The following CREBRF variants were observed in gnomAD, a reference collection of about 807,000 sequenced individuals.
CREBRF encodes CREB3 regulatory factor.
A neutral mutation model predicts 66.1 loss-of-function variants in CREBRF; 5 were observed. The ratio of observed to expected loss-of-function variants is 0.08; its 90% CI spans 0.04 to 0.16. CREBRF has a LOEUF of 0.16. Among genes scored for constraint, CREBRF ranks in the 10% least tolerant of loss-of-function variants. The probability of loss-of-function intolerance (pLI) is 1.00; values close to 1 mark genes in which losing one functional copy is unlikely to be tolerated. For missense variants in CREBRF, 531 were observed against 744.9 expected (o/e 0.71, Z 3.34); for synonymous variants, 229 against 264.4 (o/e 0.87, Z 1.30).
intron 1 of CREBRF, among the ~76,000 whole-genome samples, chr5:173,061,858 T>A (rs937325705): frequency 6.6e-6 from 1 of 152,222 alleles, no homozygotes; most frequent in African/African-American, 2.4e-5. Context: ...TGGGAAATAC[T>A]AAATTTTTTT....
At chr5:173,073,834 G>A (rs1757666249) in intron 1 of CREBRF, among the ~76,000 whole-genome samples, 2 of 152,288 alleles carry the variant, frequency 1.3e-5, no homozygotes, top group South Asian at 4.1e-4. Flanking sequence ...GGGCGTGGTG[G>A]TGGGCGCCTG....
At position 173,085,378 on chromosome 5, in the gene CREBRF, T is replaced by C. The variant is rs541360183; in HGVS notation, c.10-1123T>C. The C allele has an allele frequency of 2.1e-5, 27 of 1,258,004 alleles. No individual in the cohort carries two copies. The South Asian group carries it at 2.9e-4, about 14-fold the overall frequency. The allele number at this position is 1,258,004 out of a possible 1,614,324, so 77.9% of individuals were successfully genotyped here. A position where few individuals can be genotyped will look rare whatever the true frequency, so the allele number is the denominator to read the frequency against. On this transcript the variant is annotated intron_variant, in intron 2 of 8. Transcript: ENST00000296953. ...GCGGCTCTTCTTCGATCCTGGAGGC[T>C]CCAGGGCAGCCAATATTGTATCGTC...
intron 3 of CREBRF, among the ~76,000 whole-genome samples, chr5:173,088,489 C>CAAA (rs553969460): frequency 9.6e-5 from 8 of 83,562 alleles, no homozygotes; most frequent in African/African-American, 2.2e-4. Flanking sequence ...GACCCCGTCT[C>CAAA]AAAAAAAAAA....
chr5:173,072,189 T>A (rs544342731), intron 1 of CREBRF, among the ~76,000 whole-genome samples: 1 of 152,168 alleles, frequency 6.6e-6, no homozygotes, highest in South Asian at 2.1e-4. Flanking sequence ...CTCACTACAG[T>A]CTTGAACTCC....
At chr5:173,059,280 T>TTTTTTTA (rs1757190389) in intron 1 of CREBRF, among the ~76,000 whole-genome samples, 1 of 130,632 alleles carries the variant, frequency 7.7e-6, no homozygotes. Context: ...TTTTTTTTTT[T>TTTTTTTA]TGAGACGGAG....
At chr5:173,068,086 C>T in intron 1 of CREBRF, 1 of 446,300 alleles carries the variant, frequency 2.2e-6, no homozygotes, top group Non-Finnish European at 4.5e-6. Flanking sequence ...TCCTTTTTAC[C>T]TTAGTTTTAT....
chr5:173,129,798 C>T (rs1425898742), intron 8 of CREBRF, among the ~76,000 whole-genome samples: 11 of 150,072 alleles, frequency 7.3e-5, no homozygotes, highest in Admixed American at 6.0e-4. Context: ...ATTCAGATAT[C>T]AGAAAATTTT....
chr5:173,128,603 A>G (rs541666202), intron 8 of CREBRF, among the ~76,000 whole-genome samples: 14 of 152,140 alleles, frequency 9.2e-5, no homozygotes, highest in African/African-American at 2.9e-4. Context: ...CTAAATCTGC[A>G]TTATGAACTA....
intron 4 of CREBRF, among the ~76,000 whole-genome samples, chr5:173,100,341 T>C (rs1758597601): frequency 6.6e-6 from 1 of 151,874 alleles, no homozygotes; most frequent in African/African-American, 2.4e-5. Flanking sequence ...TAAAAGTGTT[T>C]TGCATACCAC....
At chr5:173,093,129 G>A (rs1341099069) in intron 4 of CREBRF, among the ~76,000 whole-genome samples, 4 of 152,104 alleles carry the variant, frequency 2.6e-5, no homozygotes, top group Non-Finnish European at 5.9e-5. Flanking sequence ...GAGCAGGGAG[G>A]GGAAGGGTGA....
chr5:173,099,658 G>A (rs1047338873), intron 4 of CREBRF, among the ~76,000 whole-genome samples: 1 of 151,812 alleles, frequency 6.6e-6, no homozygotes, highest in Non-Finnish European at 1.5e-5. Flanking sequence ...GTGATTTGCT[G>A]GTTTTTTGTA....
At chr5:173,061,613 A>G (rs1757275791) in intron 1 of CREBRF, among the ~76,000 whole-genome samples, 1 of 152,258 alleles carries the variant, frequency 6.6e-6, no homozygotes, top group South Asian at 2.1e-4. Context: ...CTGTTTCAAG[A>G]GATGATAGTC....
intron 1 of CREBRF, among the ~76,000 whole-genome samples, chr5:173,079,655 A>G (rs192774110): frequency 2.6e-5 from 4 of 152,232 alleles, no homozygotes; most frequent in East Asian, 3.9e-4. Flanking sequence ...GAGGACCACA[A>G]TCACCTGGAG....
chr5:173,116,857 G>A (rs1759001767), intron 7 of CREBRF, among the ~76,000 whole-genome samples: 1 of 152,118 alleles, frequency 6.6e-6, no homozygotes, highest in Non-Finnish European at 1.5e-5. Flanking sequence ...AGTGTAGGAG[G>A]GTTCTAGTTG....
intron 1 of CREBRF, among the ~76,000 whole-genome samples, chr5:173,058,593 C>T (rs2113644033): frequency 6.6e-6 from 1 of 151,696 alleles, no homozygotes; most frequent in South Asian, 2.1e-4. Context: ...ACGCCATTCT[C>T]CTGCCTCAGC....
At chr5:173,068,371 C>G (rs1757496183) in intron 1 of CREBRF, among the ~76,000 whole-genome samples, 1 of 152,128 alleles carries the variant, frequency 6.6e-6, no homozygotes, top group South Asian at 2.1e-4. Context: ...CTCTGTGTGT[C>G]TCTTTATTAG....
chr5:173,112,980 A>G (rs1758903638), intron 7 of CREBRF, among the ~76,000 whole-genome samples: 1 of 152,212 alleles, frequency 6.6e-6, no homozygotes, highest in Admixed American at 6.5e-5. Flanking sequence ...TATTTTTAAC[A>G]CTTCTCAGAT....
chr5:173,086,339 GT>G, intron 2 of CREBRF, 161 bp from the exon 3 acceptor site: 1 of 679,904 alleles, frequency 1.5e-6, no homozygotes, highest in Non-Finnish European at 2.5e-6. Context: ...ACAGTTCAGT[GT>G]TAGCCAAAGC....
chr5:173,082,941 A>AAAAC (rs1758008008), intron 2 of CREBRF, among the ~76,000 whole-genome samples: 3 of 118,208 alleles, frequency 2.5e-5, no homozygotes, highest in African/African-American at 9.4e-5. Context: ...AAAAAAAAAA[A>AAAAC]AAAAACCGGG....
Sources: gnomAD v4.1 joint callset for allele counts (sites outside exome capture counted in the v4.1 genomes callset) on GRCh38, gnomAD v4.1.1 for gene constraint, MANE v1.5 for transcripts, NCBI Gene and HGNC (gene_info 2026-07-23, HGNC 2026-07-21) for gene names.